PIP4K2A: variants seen among roughly 807,000 people sequenced by gnomAD.
PIP4K2A encodes the protein phosphatidylinositol 5-phosphate 4-kinase type-2 alpha.
Under a neutral mutation model 42.9 loss-of-function variants are expected in PIP4K2A, and 14 were observed. The ratio of observed to expected loss-of-function variants is 0.33; its 90% CI spans 0.22 to 0.51. The LOEUF is 0.51. PIP4K2A is among the 20% of genes least tolerant of loss of function. The pLI is 0.97. For synonymous variants in PIP4K2A, 192 were observed against 192.2 expected (o/e 1.00, Z 0.01); for missense variants, 434 against 519.8 (o/e 0.83, Z 1.61).
At chr10:22,540,150 GA>G in intron 8 of PIP4K2A, 76 bp from the exon 9 acceptor site, 1 of 550,330 alleles carries the variant, frequency 1.8e-6, no homozygotes. Context: ...GGGAGGGAGG[GA>G]GGGAGAAGTG....
chr10:22,602,210 T>C (rs1837798224), intron 3 of PIP4K2A, among the ~76,000 whole-genome samples: 1 of 151,022 alleles, frequency 6.6e-6, no homozygotes, highest in South Asian at 2.1e-4. Flanking sequence ...CTGGGCAACA[T>C]GGCAAAACCC....
intron 1 of PIP4K2A, among the ~76,000 whole-genome samples, chr10:22,668,167 G>A (rs374416387): frequency 6.6e-6 from 1 of 152,152 alleles, no homozygotes; most frequent in African/African-American, 2.4e-5. Flanking sequence ...GGCCAGGCTG[G>A]TCTTGAACTC....
At chr10:22,551,128 G>C (rs1836401667) in intron 6 of PIP4K2A, among the ~76,000 whole-genome samples, 1 of 152,076 alleles carries the variant, frequency 6.6e-6, no homozygotes, top group South Asian at 2.1e-4. Flanking sequence ...TTGTATTCTT[G>C]GAATACTTTC....
chr10:22,702,171 G>C (rs1044584775), intron 1 of PIP4K2A, among the ~76,000 whole-genome samples: 6 of 152,196 alleles, frequency 3.9e-5, no homozygotes, highest in Middle Eastern at 3.2e-3. Context: ...CCAAGGAAGT[G>C]AGCAGCTCAG....
At position 22,601,512 on chromosome 10, in the gene PIP4K2A, C is replaced by A. The variant is rs937999557; in HGVS notation, c.339+6415G>T. Among the ~76,000 whole-genome samples the A allele has an allele frequency of 3.9e-5, 6 of 152,292 alleles. No homozygotes were observed. The East Asian group carries it at 1.2e-3, about 29-fold the overall frequency. ...GTCTCAGCCTCAGTGCGTCTCTGAG[C>A]AGGGTGGAGTTTCCTTCCAGGGCAG... On this transcript the variant is annotated intron_variant, in intron 3 of 9. Coordinates refer to ENST00000376573, the MANE Select transcript of PIP4K2A (RefSeq NM_005028.5).
chr10:22,627,617 A>T (rs1345120150), intron 1 of PIP4K2A, among the ~76,000 whole-genome samples: 2 of 136,088 alleles, frequency 1.5e-5, no homozygotes, highest in Non-Finnish European at 3.1e-5. Context: ...AAAAAAAAAA[A>T]AAAAAAAAAA....
chr10:22,669,356 CA>C (rs1839406887), intron 1 of PIP4K2A, among the ~76,000 whole-genome samples: 1 of 152,122 alleles, frequency 6.6e-6, no homozygotes, highest in Non-Finnish European at 1.5e-5. Context: ...CACCTAGGGT[CA>C]TGTGAGTACA....
At chr10:22,689,709 A>C (rs1004818505) in intron 1 of PIP4K2A, among the ~76,000 whole-genome samples, 1 of 152,198 alleles carries the variant, frequency 6.6e-6, no homozygotes, top group Non-Finnish European at 1.5e-5. Flanking sequence ...ATGACAGTAA[A>C]GGAATGGATG....
intron 1 of PIP4K2A, among the ~76,000 whole-genome samples, chr10:22,640,539 T>G (rs894722203): frequency 6.6e-6 from 1 of 151,640 alleles, no homozygotes; most frequent in Non-Finnish European, 1.5e-5. Context: ...GCTCCGGGAG[T>G]GGATTATGCT....
chr10:22,642,124 T>C (rs72816856), intron 1 of PIP4K2A: 4,796 of 152,314 alleles, frequency 0.031, 114 homozygotes, highest in Middle Eastern at 0.092. Flanking sequence ...CTGGCGGCAT[T>C]TGCATCCCTG....
chr10:22,675,256 A>T lies in PIP4K2A; in HGVS notation c.144+38927T>A, dbSNP rs191439019. On this transcript the variant is annotated intron_variant, in intron 1 of 9. Coordinates refer to ENST00000376573, the MANE Select transcript of PIP4K2A (RefSeq NM_005028.5). ...TTCTATCCCAGGTACCATTACAATG[A>T]CATATTACCTGATACTTTTGCTTTA... is the stretch of plus-strand genomic sequence containing the variant. Among the ~76,000 whole-genome samples, 25 of 152,310 alleles carry T rather than the reference A, an allele frequency of 1.6e-4. No homozygotes were observed. In the East Asian group the frequency reaches 4.4e-3, roughly 27 times the overall value.
At chr10:22,687,419 C>A (rs1440351426) in intron 1 of PIP4K2A, among the ~76,000 whole-genome samples, 1 of 152,058 alleles carries the variant, frequency 6.6e-6, no homozygotes, top group Non-Finnish European at 1.5e-5. Flanking sequence ...ATAGCAGATA[C>A]AGAGGATGAA....
In PIP4K2A at chr10:22,570,350, T is replaced by C. The variant is rs146855395; in HGVS notation, c.640-2461A>G. The stretch of plus-strand genomic sequence containing the variant: ...GTCATAAAAGAACAACATGTGACTT[T>C]AGAGGTCACTCTGGCTTTCTTCCCT... On this transcript the variant is annotated intron_variant, in intron 5 of 9. Coordinates refer to ENST00000376573, the MANE Select transcript of PIP4K2A (RefSeq NM_005028.5). Among the ~76,000 whole-genome samples, 259 of 152,350 alleles carry C rather than the reference T, an allele frequency of 1.7e-3. 1 individual carries two copies. Among genetic ancestry groups the C allele is most frequent in the African/African-American group, 6.1e-3 (255 of 41,586 alleles).
At chr10:22,557,041 AAGGCTTTCAGTGTATAAAAG>A (rs1184474894) in intron 6 of PIP4K2A, among the ~76,000 whole-genome samples, 2 of 152,148 alleles carry the variant, frequency 1.3e-5, no homozygotes, top group South Asian at 2.1e-4. Flanking sequence ...ACACACGCGT[AAGGCTTTCAGTGTATAAAAG>A]CCTCTCAACG....
intron 1 of PIP4K2A, among the ~76,000 whole-genome samples, chr10:22,661,237 A>G (rs1839198856): frequency 6.6e-6 from 1 of 152,108 alleles, no homozygotes. Flanking sequence ...GTGCCTAAAC[A>G]TTGATCAGAT....
chr10:22,670,981 G>A (rs1219496613), intron 1 of PIP4K2A, among the ~76,000 whole-genome samples: 1 of 152,080 alleles, frequency 6.6e-6, no homozygotes, highest in Non-Finnish European at 1.5e-5. Flanking sequence ...CATCATATTG[G>A]CATCATCCCA....
chr10:22,708,026 A>G (rs1375469734), intron 1 of PIP4K2A, among the ~76,000 whole-genome samples: 1 of 152,214 alleles, frequency 6.6e-6, no homozygotes, highest in Non-Finnish European at 1.5e-5. Flanking sequence ...AGGGGGGTTT[A>G]ATATCAGTCT....
chr10:22,703,829 G>A (rs115821301), intron 1 of PIP4K2A, among the ~76,000 whole-genome samples: 3,320 of 152,218 alleles, frequency 0.022, 124 homozygotes, highest in African/African-American at 0.075. Flanking sequence ...ATGTGGATTC[G>A]GGACTCAAAA....
intron 1 of PIP4K2A, among the ~76,000 whole-genome samples, chr10:22,638,100 C>A (rs1226986258): frequency 2.0e-5 from 3 of 152,152 alleles, no homozygotes; most frequent in African/African-American, 2.4e-5. Flanking sequence ...CACTAATGAT[C>A]CCCAATGGGG....
Sources: gnomAD v4.1 joint callset for allele counts (sites outside exome capture counted in the v4.1 genomes callset) on GRCh38, gnomAD v4.1.1 for gene constraint, MANE v1.5 for transcripts, NCBI Gene and HGNC (gene_info 2026-07-23, HGNC 2026-07-21) for gene names.